ZNF860: variants seen among roughly 807,000 people sequenced by gnomAD.
ZNF860 encodes zinc finger protein 860.
For synonymous variants in ZNF860, 206 were observed against 248.9 expected, an observed-to-expected ratio of 0.83 and a Z score of 1.62; for missense variants, 641 against 759.2, an observed-to-expected ratio of 0.84 and a Z score of 1.83.
rs1698989335 is a variant in ZNF860, at chr3:31,989,317, G to C, written c.238G>C (p.Gly80Arg). 1 of 1,614,072 alleles carries C rather than the reference G, an allele frequency of 6.2e-7. No individual in the cohort carries two copies. Among genetic ancestry groups the C allele is most frequent in the African/African-American group, 1.3e-5 (1 of 74,906 alleles). The change falls in exon 2 of 2, where the codon GGC becomes CGC. Residue 80 changes from glycine to arginine, a missense_variant. Transcript: ENST00000360311. ...MMKKFSSTAQGNTEVDTGTLE... is the reference protein window; with the variant it reads ...MMKKFSSTAQRNTEVDTGTLE... The stretch of plus-strand genomic sequence containing the variant: ...GAAGAAGTTCTCATCAACAGCGCAA[G>C]GCAATACAGAAGTGGACACAGGGAC...
chr3:31,997,414 G>A, the ZNF860 span, among the ~76,000 whole-genome samples: 1 of 151,682 alleles, frequency 6.6e-6, no homozygotes, highest in African/African-American at 2.4e-5. Context: ...ACAAGCACGA[G>A]CCACCACACC....
intron 1 of ZNF860, among the ~76,000 whole-genome samples, chr3:31,982,650 T>TA (rs34935064): frequency 0.21 from 31,473 of 146,902 alleles, 3,370 homozygotes; most frequent in South Asian, 0.35. Context: ...TACATAGTGT[T>TA]AAAAAAAAAA....
rs555756093 is a variant in ZNF860 at position 31,990,280 on chromosome 3, A to G, written c.1201A>G (p.Asn401Asp). 3 of 1,614,100 alleles carry G rather than the reference A, an allele frequency of 1.9e-6. No homozygotes were observed. In the Admixed American group the frequency reaches 5.0e-5, roughly 27 times the overall value. ...TGGTATAGGGAAACTTTATAAATGT[A>G]ATGATTGTCACAAAGTCTTCAGTAA... ...IHGIGKLYKC[N>D]DCHKVFSNAT... is the part of the protein sequence containing the mutation. The change falls in exon 2 of 2, where the codon AAT becomes GAT. Residue 401 changes from asparagine to aspartate, a missense_variant. Coordinates refer to ENST00000360311, the MANE Select transcript of ZNF860 (RefSeq NM_001137674.3).
rs772522130 is a variant in ZNF860 at position 31,990,762 on chromosome 3, T to C, written c.1683T>C (p.Thr561=). ...SHHETHKRIH[T]GEKPYKCDDF... is the part of the protein sequence containing the mutation. Reference sequence around the variant, plus strand: ...ATGAAACACATAAGAGAATTCATACTGGAGAGAAACCTTACAAATGTGATG... The same window carrying C: ...ATGAAACACATAAGAGAATTCATACCGGAGAGAAACCTTACAAATGTGATG... Residue 561 remains threonine (T), a synonymous_variant, in exon 2 of 2, where the codon ACT becomes ACC. Coordinates refer to ENST00000360311, the MANE Select transcript of ZNF860 (RefSeq NM_001137674.3). 42 of 1,613,748 alleles carry C rather than the reference T, an allele frequency of 2.6e-5. No individual in the cohort carries two copies. The South Asian group carries it at 4.4e-4, about 17-fold the overall frequency.
chr3:31,984,744 C>A (rs149802078), intron 1 of ZNF860, among the ~76,000 whole-genome samples: 2 of 152,076 alleles, frequency 1.3e-5, no homozygotes, highest in Non-Finnish European at 2.9e-5. Flanking sequence ...GGTGTTCAAA[C>A]AAGGAGGGAA....
At chr3:31,985,695 A>G (rs775717640) in intron 1 of ZNF860, among the ~76,000 whole-genome samples, 2 of 152,220 alleles carry the variant, frequency 1.3e-5, no homozygotes, top group African/African-American at 2.4e-5. Flanking sequence ...TCACAACCAG[A>G]TCACTCTCTG....
At chr3:32,005,875 C>T in the ZNF860 span, among the ~76,000 whole-genome samples, 18 of 152,148 alleles carry the variant, frequency 1.2e-4, no homozygotes, top group South Asian at 2.1e-4. Context: ...GGTGAGCCAC[C>T]GTGCCCAGCC....
downstream of ZNF860, among the ~76,000 whole-genome samples, chr3:31,991,790 T>G (rs1699033646): frequency 6.6e-6 from 1 of 152,076 alleles, no homozygotes; most frequent in Non-Finnish European, 1.5e-5. Context: ...TTGGGATCTT[T>G]CTCACTACCA....
chr3:31,982,205 T>C (rs1167433368), intron 1 of ZNF860, among the ~76,000 whole-genome samples: 2 of 152,174 alleles, frequency 1.3e-5, no homozygotes, highest in African/African-American at 2.4e-5. Flanking sequence ...CATTGAAGGA[T>C]TCTCTGTGTT....
chr3:31,982,610 GC>G (rs1698872805), intron 1 of ZNF860, among the ~76,000 whole-genome samples: 1 of 151,474 alleles, frequency 6.6e-6, no homozygotes, highest in African/African-American at 2.4e-5. Flanking sequence ...AAGTGGTTGT[GC>G]CCCTGAGTAA....
chr3:31,993,681 T>TACATACAC (rs1699059488), downstream of ZNF860, among the ~76,000 whole-genome samples: 1 of 147,216 alleles, frequency 6.8e-6, no homozygotes, highest in Admixed American at 6.7e-5. Context: ...TACACACACA[T>TACATACAC]ACACACACAC....
downstream of ZNF860, among the ~76,000 whole-genome samples, chr3:31,994,786 G>T (rs17028706): frequency 0.028 from 4,188 of 152,254 alleles, 100 homozygotes; most frequent in African/African-American, 0.07. Flanking sequence ...CTCCTGAAAG[G>T]CCATAAAACA....
chr3:31,990,646 GC>G lies in ZNF860; in HGVS notation c.1568del (p.Ala523GlufsTer150), dbSNP rs1699016394. 1 of 1,613,494 alleles carries G rather than the reference GC, an allele frequency of 6.2e-7. No homozygotes were observed. On this transcript the variant is annotated frameshift_variant, in exon 2 of 2. Transcript: ENST00000360311. LOFTEE classifies it low-confidence loss of function (END_TRUNC). ...NECGKVFNQQATLARHHRLHT... is the reference protein window; with the variant it reads ...NECGKVFNQQXTLARHHRLHT... ...ATGTGGCAAGGTTTTTAATCAACAA[GC>G]AACCCTTGCACGTCATCATAGACTT...
At chr3:31,996,359 C>T (rs535193236), downstream of ZNF860, among the ~76,000 whole-genome samples, 45 of 152,280 alleles carry the variant, frequency 3.0e-4, no homozygotes, top group African/African-American at 1.0e-3. Context: ...AAACTCTCCC[C>T]CCCGTGCAAG....
Position 31,989,863 on chromosome 3 carries a change from G to A in ZNF860, c.784G>A (p.Val262Ile), listed in dbSNP as rs1698998907. The change falls in exon 2 of 2, where the codon GTA (valine) becomes ATA (isoleucine). Residue 262 changes from valine (V) to isoleucine (I), a missense_variant. Physicochemically the swap from Val to Ile is conservative, Grantham distance 29 (BLOSUM62 3). Coordinates refer to ENST00000360311, the MANE Select transcript of ZNF860 (RefSeq NM_001137674.3). ...YLGGKQYKCD[V>I]CGKVFNQKRY... ...AGGAGGGAAACAATATAAATGTGAT[G>A]TATGTGGCAAGGTCTTTAATCAGAA... 5.6e-6 allele frequency: 9 copies of A among 1,614,162 alleles called. No homozygotes were observed. The highest frequency in any genetic ancestry group is 7.6e-6 in the Non-Finnish European group (9 of 1,180,014).
At chr3:31,995,840 A>G (rs1487478453), downstream of ZNF860, among the ~76,000 whole-genome samples, 1 of 152,190 alleles carries the variant, frequency 6.6e-6, no homozygotes, top group East Asian at 1.9e-4. Flanking sequence ...GGAAGTCCCT[A>G]TCCAGAGATG....
intron 1 of ZNF860, 33 bp from the exon 2 acceptor site, chr3:31,988,627 T>C (rs181941609): frequency 4.3e-4 from 78 of 180,194 alleles, no homozygotes; most frequent in African/African-American, 1.8e-3. Context: ...TCTCTTTCTC[T>C]CTCCCCCTGT....
At chr3:31,992,193 T>A (rs1184955359), downstream of ZNF860, among the ~76,000 whole-genome samples, 1 of 151,244 alleles carries the variant, frequency 6.6e-6, no homozygotes, top group African/African-American at 2.4e-5. Flanking sequence ...GCAAAAAGTA[T>A]GGACACATAG....
the ZNF860 span, among the ~76,000 whole-genome samples, chr3:32,000,148 C>T: frequency 2.6e-5 from 4 of 152,136 alleles, no homozygotes; most frequent in Non-Finnish European, 2.9e-5. Flanking sequence ...TCTTCCTCTA[C>T]CTGGTAAATT....
Sources: allele counts gnomAD v4.1 joint callset (sites outside exome capture counted in the v4.1 genomes callset), GRCh38; gene constraint gnomAD v4.1.1; transcripts MANE v1.5; gene names NCBI Gene and HGNC (gene_info 2026-07-23, HGNC 2026-07-21).